CECR2: variants seen among roughly 807,000 people sequenced by gnomAD.
The protein encoded by CECR2 is chromatin remodeling regulator CECR2.
Under a neutral mutation model 154.5 loss-of-function variants are expected in CECR2, and 30 were observed. The observed-to-expected ratio is 0.19, with a 90% CI of 0.15 to 0.26. CECR2 has a LOEUF of 0.26. Among genes scored for constraint, CECR2 ranks in the 10% least tolerant of loss-of-function variants. The pLI, the probability that CECR2 is intolerant of heterozygous loss-of-function variation, is 1.00. For missense variants in CECR2, 1,743 were observed against 1,829.3 expected (o/e 0.95, Z 0.86); for synonymous variants, 725 against 683.7 (o/e 1.06, Z -0.94).
chr22:17,441,700 A>G (rs1385919849), intron 1 of CECR2, among the ~76,000 whole-genome samples: 1 of 152,154 alleles, frequency 6.6e-6, no homozygotes, highest in East Asian at 1.9e-4. Flanking sequence ...GGATCTATGA[A>G]TAGATTGTTT....
chr22:17,415,962 G>C (rs948936003), intron 1 of CECR2, among the ~76,000 whole-genome samples: 4 of 152,132 alleles, frequency 2.6e-5, no homozygotes, highest in Non-Finnish European at 5.9e-5. Context: ...AAATCCAGAG[G>C]TCCAGGTTTC....
intron 1 of CECR2, among the ~76,000 whole-genome samples, chr22:17,412,801 A>G (rs1049926789): frequency 6.6e-6 from 1 of 152,164 alleles, no homozygotes; most frequent in Non-Finnish European, 1.5e-5. Flanking sequence ...GGATGGAACC[A>G]TGACCACCTT....
At chr22:17,517,690 T>C (rs537489977) in intron 8 of CECR2, among the ~76,000 whole-genome samples, 13 of 152,350 alleles carry the variant, frequency 8.5e-5, no homozygotes, top group African/African-American at 3.1e-4. Context: ...AGCATTGCTT[T>C]TCAGCCTAAA....
intron 1 of CECR2, among the ~76,000 whole-genome samples, 167 bp downstream of exon 1, chr22:17,370,076 G>A (rs1230973964): frequency 6.6e-6 from 1 of 150,846 alleles, no homozygotes; most frequent in East Asian, 2.0e-4. Flanking sequence ...GGCGGGGGCC[G>A]CCGGGCTGTG....
At chr22:17,404,250 C>T (rs1190583521) in intron 1 of CECR2, among the ~76,000 whole-genome samples, 19 of 135,022 alleles carry the variant, frequency 1.4e-4, no homozygotes, top group South Asian at 5.1e-4. Context: ...CAGTGCGAGA[C>T]TCTGTCCCCA....
At chr22:17,370,765 C>T (rs960742656) in intron 1 of CECR2, among the ~76,000 whole-genome samples, 1 of 152,190 alleles carries the variant, frequency 6.6e-6, no homozygotes, top group Admixed American at 6.5e-5. Context: ...GCGGCGCACT[C>T]GGCGGCCAGG....
chr22:17,370,188 C>G (rs1374493168), intron 1 of CECR2, among the ~76,000 whole-genome samples: 2 of 150,760 alleles, frequency 1.3e-5, no homozygotes, highest in Admixed American at 1.3e-4. Flanking sequence ...GGAGAGGGAG[C>G]GGGAGCGGGA....
intron 1 of CECR2, chr22:17,419,461 C>A: frequency 5.0e-6 from 1 of 200,356 alleles, no homozygotes; most frequent in Non-Finnish European, 1.1e-5. Flanking sequence ...GGATCCCCCA[C>A]GCCTGAGGAA....
At chr22:17,406,384 G>C (rs1168757201) in intron 1 of CECR2, among the ~76,000 whole-genome samples, 2 of 151,954 alleles carry the variant, frequency 1.3e-5, no homozygotes, top group Admixed American at 6.6e-5. Flanking sequence ...TTAGCCAGGC[G>C]TGGTGGCACA....
At chr22:17,398,009 T>G (rs1160127475) in intron 1 of CECR2, among the ~76,000 whole-genome samples, 1 of 152,144 alleles carries the variant, frequency 6.6e-6, no homozygotes, top group Non-Finnish European at 1.5e-5. Context: ...TCTGTACTCT[T>G]AGCTTGCATG....
chr22:17,375,961 A>T (rs2063114380), intron 1 of CECR2, among the ~76,000 whole-genome samples: 1 of 139,444 alleles, frequency 7.2e-6, no homozygotes, highest in Admixed American at 7.1e-5. Flanking sequence ...ACTCTTATCT[A>T]AAAAAAAAAA....
In CECR2 at chr22:17,542,622, T is replaced by G. The variant is rs1417849839; in HGVS notation, c.2479T>G (p.Ser827Ala). The change falls in exon 16 of 19, where the codon TCA (serine) becomes GCA (alanine). Residue 827 changes from serine to alanine, a missense_variant. Physicochemically the swap from Ser to Ala is moderately conservative, Grantham distance 99. Around this residue, in one of 4 missense-constraint regions of CECR2, gnomAD observed 1,250 missense variants for 1,192.1 expected, o/e 1.05. Transcript: ENST00000262608. ...CCCCCCCAACCAGTGGACTGAACAA[T>G]CAGGCTTCCTACCTCATGGAGTTCC... ...PVPPNQWTEQSGFLPHGVPSS... is the reference protein window; with the variant it reads ...PVPPNQWTEQAGFLPHGVPSS... The G allele has an allele frequency of 1.2e-5, 20 of 1,613,830 alleles. No individual in the cohort carries two copies. The highest frequency in any genetic ancestry group is 1.7e-5 in the Non-Finnish European group (20 of 1,179,886).
intron 8 of CECR2, among the ~76,000 whole-genome samples, chr22:17,515,022 CAAAA>C (rs913316044): frequency 2.4e-5 from 2 of 83,132 alleles, no homozygotes; most frequent in African/African-American, 4.6e-5. Flanking sequence ...GACTCCGTCT[CAAAA>C]AAAAAAAAAA....
chr22:17,464,748 A>T (rs1261537377), intron 1 of CECR2, among the ~76,000 whole-genome samples: 1 of 151,980 alleles, frequency 6.6e-6, no homozygotes, highest in Non-Finnish European at 1.5e-5. Flanking sequence ...CAGTCCTCCC[A>T]CTTCAGTCCC....
chr22:17,511,723 T>C (rs1275082594), intron 7 of CECR2, 90 bp from the exon 8 acceptor site: 8 of 1,186,366 alleles, frequency 6.7e-6, no homozygotes, highest in Non-Finnish European at 9.8e-6. Context: ...ATTGGCCACT[T>C]TTTTACTGGC....
chr22:17,413,990 TGAGACG>T (rs1272817474), intron 1 of CECR2, among the ~76,000 whole-genome samples: 1 of 147,522 alleles, frequency 6.8e-6, no homozygotes, highest in African/African-American at 2.5e-5. Flanking sequence ...TATTATTTTT[TGAGACG>T]GAGTCTTGCT....
intron 1 of CECR2, among the ~76,000 whole-genome samples, chr22:17,461,819 G>A (rs1427587979): frequency 6.8e-6 from 1 of 148,126 alleles, no homozygotes; most frequent in Non-Finnish European, 1.5e-5. Context: ...TTGAAATGGA[G>A]TCTCGCTCTG....
intron 1 of CECR2, among the ~76,000 whole-genome samples, chr22:17,462,030 G>A (rs147344969): frequency 0.017 from 2,579 of 151,776 alleles, 67 homozygotes; most frequent in African/African-American, 0.058. Context: ...TGACCTCGTG[G>A]TCCACCCGCC....
intron 1 of CECR2, among the ~76,000 whole-genome samples, chr22:17,454,895 C>G (rs1251286416): frequency 6.6e-6 from 1 of 152,168 alleles, no homozygotes; most frequent in African/African-American, 2.4e-5. Flanking sequence ...TTTATACTTT[C>G]TGCAGAAAGG....
Sources: gnomAD v4.1 joint callset for allele counts (sites outside exome capture counted in the v4.1 genomes callset) on GRCh38, gnomAD v4.1.1 for gene constraint, gnomAD v4.1.1 regional missense constraint, MANE v1.5 for transcripts, NCBI Gene and HGNC (gene_info 2026-07-23, HGNC 2026-07-21) for gene names.